The following PRMT9 variants were observed in gnomAD, a reference collection of about 807,000 sequenced individuals.
PRMT9 encodes protein arginine N-methyltransferase 9.
A neutral mutation model predicts 83.2 loss-of-function variants in PRMT9; 59 were observed. The observed-to-expected ratio is 0.71, with a 90% CI of 0.57 to 0.88. PRMT9 has a LOEUF of 0.88. Among genes scored for constraint, PRMT9 ranks in the 40% least tolerant of loss-of-function variants. The probability of loss-of-function intolerance (pLI) is 0.00; values close to 1 mark genes in which losing one functional copy is unlikely to be tolerated. For missense variants in PRMT9, 947 were observed against 1,021.9 expected, an observed-to-expected ratio of 0.93 and a Z score of 1.00; for synonymous variants, 333 against 353.2, an observed-to-expected ratio of 0.94 and a Z score of 0.64.
At chr4:147,678,536 A>T (rs1578942721) in intron 2 of PRMT9, among the ~76,000 whole-genome samples, 1 of 152,250 alleles carries the variant, frequency 6.6e-6, no homozygotes, top group Admixed American at 6.5e-5. Flanking sequence ...GCCTGATTAC[A>T]AAACTGTCCC....
chr4:147,664,465 C>T (rs1436381598), intron 6 of PRMT9, among the ~76,000 whole-genome samples: 3 of 152,134 alleles, frequency 2.0e-5, no homozygotes, highest in Non-Finnish European at 4.4e-5. Flanking sequence ...ACAGAATGGT[C>T]CCAACTAGGG....
chr4:147,648,621 C>T (rs1438849927), intron 9 of PRMT9, among the ~76,000 whole-genome samples: 1 of 152,192 alleles, frequency 6.6e-6, no homozygotes, highest in Non-Finnish European at 1.5e-5. Flanking sequence ...TCAGGAACTT[C>T]CGATTTACAG....
At chr4:147,659,091 A>G (rs1578904581) in intron 7 of PRMT9, among the ~76,000 whole-genome samples, 1 of 152,108 alleles carries the variant, frequency 6.6e-6, no homozygotes, top group African/African-American at 2.4e-5. Flanking sequence ...AGGCAGGAGA[A>G]TGGCGTGAAC....
rs114482991 is a variant in PRMT9, at chr4:147,670,837, T to C, written c.744-94A>G. The C allele has an allele frequency of 4.9e-3, 4,036 of 816,084 alleles. 51 individuals are homozygous for C. Among genetic ancestry groups the C allele is most frequent in the African/African-American group, 0.035 (2,045 of 58,658 alleles). 50.6% of individuals were successfully genotyped at this position (816,084 alleles called of 1,614,324 possible). ...GAGAGGAGAAAGGAAGAGTATATTATAGAAACAGTCCATATGTAATATATC... is the reference window on the plus strand; with the variant it reads ...GAGAGGAGAAAGGAAGAGTATATTACAGAAACAGTCCATATGTAATATATC... On this transcript the variant is annotated intron_variant, in intron 4 of 11. Coordinates refer to ENST00000322396, the MANE Select transcript of PRMT9 (RefSeq NM_138364.4).
At chr4:147,664,257 A>G (rs28412528) in intron 6 of PRMT9, among the ~76,000 whole-genome samples, 1,758 of 152,338 alleles carry the variant, frequency 0.012, 36 homozygotes, top group African/African-American at 0.04. Context: ...GCAGTGAGCC[A>G]TGATTGAGCC....
chr4:147,674,500 G>GA (rs199780109), intron 2 of PRMT9, among the ~76,000 whole-genome samples: 9 of 150,420 alleles, frequency 6.0e-5, no homozygotes, highest in African/African-American at 1.9e-4. Flanking sequence ...AATAAAAGGA[G>GA]AAAAAAAAAC....
chr4:147,673,547 A>T, intron 3 of PRMT9, 91 bp downstream of exon 3: 1 of 867,642 alleles, frequency 1.2e-6, no homozygotes, highest in Non-Finnish European at 2.0e-6. Flanking sequence ...AAATACTTTT[A>T]AATTCCAATG....
chr4:147,641,608 G>A lies in PRMT9; in HGVS notation c.2199+1179C>T, dbSNP rs188967660. Among the ~76,000 whole-genome samples the A allele has an allele frequency of 1.6e-3, 239 of 152,156 alleles. 1 individual carries two copies. The highest frequency in any genetic ancestry group is 5.2e-3 in the African/African-American group (214 of 41,516). On this transcript the variant is annotated intron_variant, in intron 10 of 11. Coordinates refer to ENST00000322396, the MANE Select transcript of PRMT9 (RefSeq NM_138364.4). ...CTTCCAATGTAAATGCTAAATCCACGAGAGAGTAAACTTCTCTCTTTATTT... is the reference window on the plus strand; with the variant it reads ...CTTCCAATGTAAATGCTAAATCCACAAGAGAGTAAACTTCTCTCTTTATTT...
At chr4:147,668,741 A>G (rs571716757) in intron 5 of PRMT9, 96 bp from the exon 6 acceptor site, 3 of 792,132 alleles carry the variant, frequency 3.8e-6, no homozygotes, top group African/African-American at 1.7e-5. Context: ...AAAAACCTAA[A>G]AAGACAATAA....
chr4:147,657,826 C>G lies in PRMT9; in HGVS notation c.1296G>C (p.Trp432Cys), dbSNP rs1734626588. 6.2e-7 allele frequency: 1 copy of G among 1,611,712 alleles called. No homozygotes were observed. The highest frequency in any genetic ancestry group is 8.5e-7 in the Non-Finnish European group (1 of 1,179,670). ...LSTSPSEETC[W>C]EQAVYPVQDL... is the part of the protein sequence containing the mutation. ...CCTGTACGGGGTAGACAGCCTGTTC[C>G]CAACATGTTTCCTCACTAGGACTTG... The change falls in exon 8 of 12, where the codon TGG (tryptophan) becomes TGC (cysteine). Residue 432 changes from tryptophan to cysteine, a missense_variant. Physicochemically the swap from Trp to Cys is radical, Grantham distance 215. Transcript: ENST00000322396.
chr4:147,664,702 T>C (rs1735201822), intron 6 of PRMT9, among the ~76,000 whole-genome samples: 1 of 152,120 alleles, frequency 6.6e-6, no homozygotes, highest in South Asian at 2.1e-4. Flanking sequence ...GCTTAAAACC[T>C]AGATGATGGG....
intron 1 of PRMT9, 90 bp downstream of exon 1, chr4:147,683,709 T>C (rs892239322): frequency 1.5e-6 from 2 of 1,336,092 alleles, no homozygotes; most frequent in Non-Finnish European, 2.1e-6. Flanking sequence ...CCAGGCACCC[T>C]AGCCCCTCCG....
intron 2 of PRMT9, 67 bp from the exon 3 acceptor site, chr4:147,673,941 T>C: frequency 7.9e-7 from 1 of 1,267,286 alleles, no homozygotes; most frequent in South Asian, 1.2e-5. Flanking sequence ...GTACCTTTGT[T>C]TATGCCACTC....
intron 6 of PRMT9, among the ~76,000 whole-genome samples, chr4:147,664,445 CA>C: frequency 6.6e-6 from 1 of 152,222 alleles, no homozygotes; most frequent in Middle Eastern, 3.4e-3. Flanking sequence ...GAAGGTAGGC[CA>C]ATTGTTTTAC....
chr4:147,684,118 G>A lies in PRMT9; in HGVS notation c.-131C>T. The A allele has an allele frequency of 3.6e-6, 4 of 1,108,324 alleles. 1 individual carries two copies. The Middle Eastern group carries it at 8.1e-4, about 226-fold the overall frequency. The allele number at this position is 1,108,324 out of a possible 1,614,324, so 68.7% of individuals were successfully genotyped here. On this transcript the variant is annotated 5_prime_UTR_variant, in exon 1 of 12. Transcript: ENST00000322396. ...CACAGCAAAGTTACCCTCCGCCGCG[G>A]GTGAACTCGCCAACCCCAGCCCAGG... is the stretch of plus-strand genomic sequence containing the variant.
At chr4:147,659,476 G>A (rs538592816) in intron 7 of PRMT9, among the ~76,000 whole-genome samples, 5 of 151,464 alleles carry the variant, frequency 3.3e-5, no homozygotes. Context: ...CTCCAAACAG[G>A]TTTCACTTAC....
chr4:147,673,045 G>A lies in PRMT9; in HGVS notation c.657C>T (p.Val219=), dbSNP rs372947030. The change falls in exon 4 of 12, where the codon GTC becomes GTT. Residue 219 remains valine, a synonymous_variant. Coordinates refer to ENST00000322396, the MANE Select transcript of PRMT9 (RefSeq NM_138364.4). ...SKTMYELACD[V]VAANKMEAGI... Reference sequence around the variant, plus strand: ...CTGCTTCCATCTTGTTTGCTGCCACGACATCACAGGCAAGTTCATACATGG... The same window carrying A: ...CTGCTTCCATCTTGTTTGCTGCCACAACATCACAGGCAAGTTCATACATGG... 429 of 1,613,776 alleles carry A rather than the reference G, an allele frequency of 2.7e-4. 6 individuals carry two copies. The South Asian group carries it at 4.3e-3, about 16-fold the overall frequency.
At chr4:147,672,613 G>A (rs1203093588) in intron 4 of PRMT9, among the ~76,000 whole-genome samples, 1 of 152,150 alleles carries the variant, frequency 6.6e-6, no homozygotes, top group African/African-American at 2.4e-5. Flanking sequence ...AATCTGAACT[G>A]CTTGTGTTTT....
intron 4 of PRMT9, 27 bp downstream of exon 4, chr4:147,672,932 C>T (rs781437271): frequency 1.3e-6 from 2 of 1,590,974 alleles, no homozygotes; most frequent in Non-Finnish European, 1.7e-6. Flanking sequence ...GAAGTATAAA[C>T]ACTAAAATTA....
Sources: allele counts gnomAD v4.1 joint callset (sites outside exome capture counted in the v4.1 genomes callset), GRCh38; gene constraint gnomAD v4.1.1; transcripts MANE v1.5; gene names NCBI Gene and HGNC (gene_info 2026-07-23, HGNC 2026-07-21).